Variants in SH3BGR observed in about 807,000 individuals in gnomAD.
The protein encoded by SH3BGR is SH3 domain binding glutamate rich protein, also known as SH3 domain-binding glutamic acid-rich protein.
Under a neutral mutation model 24.5 loss-of-function variants are expected in SH3BGR, and 29 were observed. The observed-to-expected ratio is 1.18, with a 90% CI of 0.88 to 1.61. The LOEUF is 1.61. SH3BGR is among the 40% of genes most tolerant of loss of function. The pLI is 0.00. For synonymous variants in SH3BGR, 55 were observed against 65.7 expected (o/e 0.84, Z 0.79); for missense variants, 162 against 205.8 (o/e 0.79, Z 1.30).
intron 1 of SH3BGR, among the ~76,000 whole-genome samples, chr21:39,460,748 G>T: frequency 6.6e-6 from 1 of 152,142 alleles, no homozygotes; most frequent in East Asian, 1.9e-4. Context: ...GATTACAGGT[G>T]TGAGCCACCG....
intron 1 of SH3BGR, among the ~76,000 whole-genome samples, chr21:39,460,690 G>C (rs1277788257): frequency 2.0e-5 from 3 of 152,058 alleles, no homozygotes; most frequent in Non-Finnish European, 4.4e-5. Context: ...GGCTGGTCTC[G>C]AACTCCTGAC....
At chr21:39,490,220 G>A (rs577323083) in intron 3 of SH3BGR, among the ~76,000 whole-genome samples, 2 of 152,268 alleles carry the variant, frequency 1.3e-5, no homozygotes, top group South Asian at 4.1e-4. Context: ...CAGAGCTGAG[G>A]AAAACAGAGT....
rs6517549 is a variant in SH3BGR, at chr21:39,452,055, G to A, written c.-42G>A. 0.97 allele frequency: 1,573,428 copies of A among 1,614,146 alleles called. 767,009 individuals carry two copies. The highest frequency in any genetic ancestry group is 1 in the East Asian group (44,863 of 44,864). On this transcript the variant is annotated 5_prime_UTR_variant, in exon 1 of 7. Coordinates refer to ENST00000333634, the MANE Select transcript of SH3BGR (RefSeq NM_007341.3). ...GGATTTGTCTAGCGGCGCATTCCCTGACAGGGGTGTGTTGGGGGGAGTCCT... is the reference window on the plus strand; with the variant it reads ...GGATTTGTCTAGCGGCGCATTCCCTAACAGGGGTGTGTTGGGGGGAGTCCT...
In SH3BGR at chr21:39,511,660, G is replaced by GT. The variant is rs1432894792; in HGVS notation, c.436-19dup. 9 of 1,607,344 alleles carry GT rather than the reference G, an allele frequency of 5.6e-6. No individual in the cohort carries two copies. Among genetic ancestry groups the GT allele is most frequent in the Non-Finnish European group, 7.6e-6 (9 of 1,178,220 alleles). On this transcript the variant is annotated intron_variant, in intron 5 of 6. Coordinates refer to ENST00000333634, the MANE Select transcript of SH3BGR (RefSeq NM_007341.3). The surrounding 1 kb of genome is among the most constrained non-coding windows in gnomAD (Gnocchi z 4.2). ...GGCCCTTATGCTTCTTAATACTAATGTAAGTTTTGTTAAAATAAGACGGAA... is the reference window on the plus strand; with the variant it reads ...GGCCCTTATGCTTCTTAATACTAATGTTAAGTTTTGTTAAAATAAGACGGAA...
At chr21:39,494,463 C>T (rs1185716252) in intron 3 of SH3BGR, among the ~76,000 whole-genome samples, 2 of 151,928 alleles carry the variant, frequency 1.3e-5, no homozygotes, top group Admixed American at 6.6e-5. Context: ...TGCTTTCATT[C>T]TTGAGGGATA....
chr21:39,513,248 G>T (rs1214001757), intron 6 of SH3BGR, among the ~76,000 whole-genome samples: 2 of 152,176 alleles, frequency 1.3e-5, no homozygotes. Flanking sequence ...ACTTCACCAT[G>T]TTCCCCAGGC....
chr21:39,469,781 C>T (rs2077906272), intron 2 of SH3BGR, among the ~76,000 whole-genome samples: 1 of 151,906 alleles, frequency 6.6e-6, no homozygotes, highest in Admixed American at 6.6e-5. Context: ...CCTCAGGCTT[C>T]CTGAGTAGCT....
At chr21:39,513,716 A>G (rs999807457) in intron 6 of SH3BGR, among the ~76,000 whole-genome samples, 2 of 152,154 alleles carry the variant, frequency 1.3e-5, no homozygotes, top group Non-Finnish European at 2.9e-5. Flanking sequence ...TGGCAAGCTT[A>G]AGATATTCTA....
chr21:39,507,872 C>T (rs903949133), intron 4 of SH3BGR, among the ~76,000 whole-genome samples: 11 of 151,958 alleles, frequency 7.2e-5, no homozygotes. Context: ...CCTTCCATCT[C>T]AGCCTTCCAA....
intron 3 of SH3BGR, among the ~76,000 whole-genome samples, chr21:39,498,316 G>A (rs922660823): frequency 4.6e-5 from 7 of 152,188 alleles, no homozygotes; most frequent in African/African-American, 1.4e-4. Context: ...GCTCCCATGA[G>A]CTTGCAGAGC....
chr21:39,447,736 AG>A (rs2077525940), upstream of SH3BGR, among the ~76,000 whole-genome samples: 4 of 152,088 alleles, frequency 2.6e-5, no homozygotes, highest in East Asian at 7.8e-4. Flanking sequence ...TTGCTTTCGA[AG>A]GGGTGTTCTT....
intron 3 of SH3BGR, 120 bp downstream of exon 3, chr21:39,475,335 C>T (rs564056350): frequency 2.4e-4 from 149 of 630,102 alleles, no homozygotes; most frequent in Non-Finnish European, 3.9e-4. Flanking sequence ...CTTTAGTACA[C>T]TTCTTATTCT....
chr21:39,477,513 T>C (rs1247749542), intron 3 of SH3BGR, among the ~76,000 whole-genome samples: 1 of 152,170 alleles, frequency 6.6e-6, no homozygotes, highest in Non-Finnish European at 1.5e-5. Flanking sequence ...TCTGCACTGA[T>C]TTTCACCATG....
chr21:39,483,982 G>A (rs1359971884), intron 3 of SH3BGR, among the ~76,000 whole-genome samples: 1 of 152,190 alleles, frequency 6.6e-6, no homozygotes, highest in Non-Finnish European at 1.5e-5. Context: ...ATTTATGAGA[G>A]TATGTTTCAT....
intron 3 of SH3BGR, among the ~76,000 whole-genome samples, chr21:39,496,772 C>T (rs1199923547): frequency 1.3e-5 from 2 of 152,070 alleles, no homozygotes; most frequent in Non-Finnish European, 2.9e-5. Flanking sequence ...TATCAAGAAA[C>T]ATACAGGGCC....
intron 3 of SH3BGR, among the ~76,000 whole-genome samples, chr21:39,499,550 C>T (rs1311319642): frequency 1.3e-5 from 2 of 152,200 alleles, no homozygotes; most frequent in African/African-American, 4.8e-5. Flanking sequence ...TTCTTCTCCT[C>T]ATCAGCCTGA....
chr21:39,454,384 C>G (rs556631257), intron 1 of SH3BGR, among the ~76,000 whole-genome samples: 1 of 152,310 alleles, frequency 6.6e-6, no homozygotes, highest in East Asian at 1.9e-4. Context: ...TTGTAGTCTC[C>G]TTATGAGGAA....
At chr21:39,510,369 CACACACACACACACACACACACTGTA>C (rs2078659683) in intron 5 of SH3BGR, among the ~76,000 whole-genome samples, 2 of 141,972 alleles carry the variant, frequency 1.4e-5, no homozygotes, top group African/African-American at 2.7e-5. Context: ...GCTACATACA[CACACACACACACACACACACACTGTA>C]GCTACACACA....
chr21:39,475,093 A>C (rs1416730976), intron 2 of SH3BGR, 42 bp from the exon 3 acceptor site: 1 of 1,237,054 alleles, frequency 8.1e-7, no homozygotes, highest in East Asian at 2.3e-5. Flanking sequence ...ACTGGCTCAC[A>C]AGTGTGCAGT....
Sources: gnomAD v4.1 joint callset for allele counts (sites outside exome capture counted in the v4.1 genomes callset) on GRCh38, gnomAD v4.1.1 for gene constraint, Gnocchi (gnomAD v3.1) non-coding constraint, MANE v1.5 for transcripts, NCBI Gene and HGNC (gene_info 2026-07-23, HGNC 2026-07-21) for gene names.